The following ABCA2 variants were observed in gnomAD, a reference collection of about 807,000 sequenced individuals.
The protein encoded by ABCA2 is ATP-binding cassette sub-family A member 2.
A neutral mutation model predicts 262.8 loss-of-function variants in ABCA2; 84 were observed. That is an observed-to-expected ratio of 0.32 (90% CI 0.27 to 0.38). The LOEUF is 0.38. Among genes scored for constraint, ABCA2 ranks in the 10% least tolerant of loss-of-function variants. The pLI is 1.00. For synonymous variants in ABCA2, 1,696 were observed against 1,502.9 expected (o/e 1.13, Z -2.97); for missense variants, 2,662 against 3,405.9 (o/e 0.78, Z 5.44).
At position 137,010,210 on chromosome 9, in the gene ABCA2, G is replaced by A. The variant is rs750641607; in HGVS notation, c.6336C>T (p.Ala2112=). 6.2e-7 allele frequency: 1 copy of A among 1,604,546 alleles called. No individual in the cohort carries two copies. Among genetic ancestry groups the A allele is most frequent in the South Asian group, 1.1e-5 (1 of 90,704 alleles). Reference sequence around the variant, plus strand: ...CGCCCCACCTGTGTCCATTGACGAAGGCCTCGCCCCCCGTCGTGCTCTCGT... The same window carrying A: ...CGCCCCACCTGTGTCCATTGACGAAAGCCTCGCCCCCCGTCGTGCTCTCGT... The part of the protein sequence containing the change: ...TGDESTTGGE[A]FVNGHSVLKE... The change falls in exon 41 of 49, where the codon GCC becomes GCT. Residue 2112 remains alanine (A), a synonymous_variant. Transcript: ENST00000341511.
In ABCA2 at chr9:137,014,189, G is replaced by C. The variant is rs745396383; in HGVS notation, c.4219C>G (p.Pro1407Ala). 5 of 1,608,612 alleles carry C rather than the reference G, an allele frequency of 3.1e-6. No homozygotes were observed. Among genetic ancestry groups the C allele is most frequent in the Middle Eastern group, 1.7e-4 (1 of 6,060 alleles). The change falls in exon 27 of 49, where the codon CCA (proline) becomes GCA (alanine). Residue 1407 changes from proline to alanine, a missense_variant. By Grantham distance (27) the Pro-to-Ala change is conservative (BLOSUM62 -1). Transcript: ENST00000341511. ...YRPLFDNPQD[P>A]DNVSLQEVEA... is the part of the protein sequence containing the mutation. Reference sequence around the variant, plus strand: ...CCACCTTGCAGGCTGACATTGTCTGGGTCCTGTGGGTTATCAAAGAGGGGG... The same window carrying C: ...CCACCTTGCAGGCTGACATTGTCTGCGTCCTGTGGGTTATCAAAGAGGGGG...
rs368624837 is a variant in ABCA2, at chr9:137,014,041, G to A, written c.4241-3C>T. 3 of 1,609,760 alleles carry A rather than the reference G, an allele frequency of 1.9e-6. No individual in the cohort carries two copies. The highest frequency in any genetic ancestry group is 2.5e-6 in the Non-Finnish European group (3 of 1,179,596). On this transcript the variant is annotated splice_region_variant and splice_polypyrimidine_tract_variant and intron_variant, in intron 27 of 48. Coordinates refer to ENST00000341511, the MANE Select transcript of ABCA2 (RefSeq NM_001606.5). ...CGACAGGGCCTCTGCCTCCACCTCT[G>A]TGCAGAGAGGTAGAGGCTGAGCAGG... is the stretch of plus-strand genomic sequence containing the variant.
Position 137,021,082 on chromosome 9 carries a change from G to T in ABCA2, c.898-21C>A. The T allele has an allele frequency of 6.8e-7, 1 of 1,465,232 alleles. No homozygotes were observed. 90.8% of individuals were successfully genotyped at this position (1,465,232 alleles called of 1,614,324 possible). On this transcript the variant is annotated intron_variant, in intron 8 of 48. Coordinates refer to ENST00000341511, the MANE Select transcript of ABCA2 (RefSeq NM_001606.5). This position sits in a 1 kb window ranked among gnomAD's most constrained non-coding sequence, Gnocchi z 6.0. The stretch of plus-strand genomic sequence containing the variant: ...CCCAGCTGAGGGGAAACAGGCACGT[G>T]GGCAGTGCGGGGTGAGATGGACTGC...
At chr9:137,028,681 T>C (rs1274476932), upstream of ABCA2, 30 of 1,202,342 alleles carry the variant, frequency 2.5e-5, no homozygotes, top group Non-Finnish European at 3.2e-5. The surrounding 1 kb of genome is among the most constrained non-coding windows in gnomAD (Gnocchi z 6.9). Flanking sequence ...CCTGTGTGCT[T>C]TGTAAACCAG....
chr9:137,008,864 C>T lies in ABCA2; in HGVS notation c.6935G>A (p.Arg2312Gln), dbSNP rs199815377. ...RNFPEAMLKE[R>Q]HHTKVQYQLK... ...CTGGTACTGCACCTTTGTGTGGTGC[C>T]GCTCCTGCAGGGGGGGAGGTCAGAG... The change falls in exon 47 of 49, where the codon CGG becomes CAG. Residue 2312 changes from arginine to glutamine, a missense_variant. This residue lies in a region of ABCA2 where 212 missense variants were observed against 214.4 expected (regional missense o/e 0.99). Coordinates refer to ENST00000341511, the MANE Select transcript of ABCA2 (RefSeq NM_001606.5). 3.2e-5 allele frequency: 52 copies of T among 1,604,296 alleles called. No homozygotes were observed. Among genetic ancestry groups the T allele is most frequent in the East Asian group, 4.5e-5 (2 of 44,856 alleles).
Position 137,014,344 on chromosome 9 carries a change from C to A in ABCA2, c.4064G>T (p.Gly1355Val). Reference protein sequence around the residue: ...PGAEGPASGEGHAGNLARCSE... With the variant: ...PGAEGPASGEVHAGNLARCSE... ...GCACCGGGCCAGATTGCCAGCGTGA[C>A]CCTCCCCAGACGCCGGGCCCTCCGC... The change falls in exon 27 of 49, where the codon GGT becomes GTT. Residue 1355 changes from glycine (G) to valine (V), a missense_variant. Physicochemically the swap from Gly to Val is moderately radical, Grantham distance 109 (BLOSUM62 -3). Around this residue, in one of 12 missense-constraint regions of ABCA2, gnomAD observed 297 missense variants for 286.5 expected, o/e 1.04. Transcript: ENST00000341511. 6.2e-7 allele frequency: 1 copy of A among 1,605,968 alleles called. No homozygotes were observed. The highest frequency in any genetic ancestry group is 1.1e-5 in the South Asian group (1 of 89,820).
chr9:137,022,559 C>T lies in ABCA2; in HGVS notation c.440-81G>A, dbSNP rs1831509150. The T allele has an allele frequency of 3.8e-6, 6 of 1,569,066 alleles. No homozygotes were observed. In the Admixed American group the frequency reaches 5.6e-5, roughly 15 times the overall value. On this transcript the variant is annotated intron_variant, in intron 5 of 48. Transcript: ENST00000341511. Reference sequence around the variant, plus strand: ...CACATGCGCTCGGAGCCGAGCCCAACACCACAGCTCTGCCACTGCAGCCTG... The same window carrying T: ...CACATGCGCTCGGAGCCGAGCCCAATACCACAGCTCTGCCACTGCAGCCTG...
intron 3 of ABCA2, 87 bp downstream of exon 3, chr9:137,023,751 G>A (rs1831558061): frequency 1.4e-6 from 1 of 717,068 alleles, no homozygotes; most frequent in Non-Finnish European, 2.6e-6. Context: ...GTTAATGCAA[G>A]CGGGGAGGGC....
Position 137,022,724 on chromosome 9 carries a change from C to A in ABCA2, c.417G>T (p.Gly139=). 1.2e-6 allele frequency: 2 copies of A among 1,605,776 alleles called. No individual in the cohort carries two copies. Among genetic ancestry groups the A allele is most frequent in the Non-Finnish European group, 1.7e-6 (2 of 1,178,242 alleles). ...EALSAGPGTS[G]SHLDRSTVSS... ...CACCTGTGGATCTGTCCAGGTGGCTCCCCGAGGTGCCCGGGCCCGCACTGA... is the reference window on the plus strand; with the variant it reads ...CACCTGTGGATCTGTCCAGGTGGCTACCCGAGGTGCCCGGGCCCGCACTGA... Residue 139 remains glycine, a synonymous_variant, in exon 5 of 49, where the codon GGG becomes GGT. Coordinates refer to ENST00000341511, the MANE Select transcript of ABCA2 (RefSeq NM_001606.5).
At position 137,011,352 on chromosome 9, in the gene ABCA2, G is replaced by C. The variant is rs553630502; in HGVS notation, c.5800-43C>G. On this transcript the variant is annotated intron_variant, in intron 37 of 48. Transcript: ENST00000341511. The surrounding 1 kb of genome is among the most constrained non-coding windows in gnomAD (Gnocchi z 8.8). The stretch of plus-strand genomic sequence containing the variant: ...TCAGGGGCACAGGGGTGGCCGGGGT[G>C]AGGGGCACAGCCTCCGCAGGGTCCG... The C allele has an allele frequency of 1.9e-5, 30 of 1,603,482 alleles. No individual in the cohort carries two copies. The highest frequency in any genetic ancestry group is 1.1e-4 in the African/African-American group (8 of 74,726).
Position 137,019,381 on chromosome 9 carries a change from C to T in ABCA2, c.1426-75G>A. The stretch of plus-strand genomic sequence containing the variant: ...ACTTGGGGGCTCTCACCCCACTCAC[C>T]TCCCCAGTGGCTGGTCCATTGCCAA... On this transcript the variant is annotated intron_variant, in intron 10 of 48. Coordinates refer to ENST00000341511, the MANE Select transcript of ABCA2 (RefSeq NM_001606.5). The surrounding 1 kb of genome is among the most constrained non-coding windows in gnomAD (Gnocchi z 4.4). 6.4e-7 allele frequency: 1 copy of T among 1,557,230 alleles called. No individual in the cohort carries two copies. Among genetic ancestry groups the T allele is most frequent in the Non-Finnish European group, 8.7e-7 (1 of 1,144,082 alleles).
rs762840768 is a variant in ABCA2 at position 137,018,307 on chromosome 9, C to T, written c.1864G>A (p.Val622Met). Residue 622 changes from valine to methionine, a missense_variant, in exon 14 of 49, where the codon GTG (valine) becomes ATG (methionine). Val to Met is a conservative substitution (Grantham distance 21, BLOSUM62 1). This residue lies in a region of ABCA2 where 187 missense variants were observed against 205.9 expected (regional missense o/e 0.91). Coordinates refer to ENST00000341511, the MANE Select transcript of ABCA2 (RefSeq NM_001606.5). ...TRKDGSLPPH[V>M]HYKIRQNSSF... ...GAGTTCTGGCGGATCTTGTAGTGCA[C>T]GTGAGGCGGGAGCGAGCCGTCCTTC... The T allele has an allele frequency of 2.6e-6, 4 of 1,545,912 alleles. No homozygotes were observed. The highest frequency in any genetic ancestry group is 3.5e-6 in the Non-Finnish European group (4 of 1,143,100).
At chr9:137,012,463 C>G (rs1831091344) in intron 32 of ABCA2, 22 bp downstream of exon 32, 1 of 1,610,500 alleles carries the variant, frequency 6.2e-7, no homozygotes, top group Admixed American at 1.7e-5. Context: ...ACAGCGGGGC[C>G]CAGGCCCGCA....
upstream of ABCA2, chr9:137,028,788 CGAG>C (rs773468744): frequency 1.1e-5 from 14 of 1,294,200 alleles, no homozygotes; most frequent in African/African-American, 1.6e-4. This position sits in a 1 kb window ranked among gnomAD's most constrained non-coding sequence, Gnocchi z 6.9. Context: ...GGGGGAAACT[CGAG>C]GCCCCAGGAA....
At position 137,020,701 on chromosome 9, in the gene ABCA2, T is replaced by C; in HGVS notation, c.1258A>G (p.Asn420Asp). Residue 420 changes from asparagine to aspartate, a missense_variant, in exon 9 of 49, where the codon AAC (asparagine) becomes GAC (aspartate). By Grantham distance (23) the Asn-to-Asp change is conservative. Coordinates refer to ENST00000341511, the MANE Select transcript of ABCA2 (RefSeq NM_001606.5). Reference sequence around the variant, plus strand: ...CCCCTGCCGCCCACCTACCGGTTGTTGCCACACAAGATGGGCTGCAGGCCG... The same window carrying C: ...CCCCTGCCGCCCACCTACCGGTTGTCGCCACACAAGATGGGCTGCAGGCCG... ...WAGLQPILCG[N>D]NRTIEPEALR... 6.2e-7 allele frequency: 1 copy of C among 1,600,274 alleles called. No individual in the cohort carries two copies. Among genetic ancestry groups the C allele is most frequent in the South Asian group, 1.1e-5 (1 of 90,888 alleles).
rs1564221180 is a variant in ABCA2, at chr9:137,016,065, G to A, written c.3214C>T (p.Gln1072Ter). ...EIRKNLGMCP[Q>*]HNVLFDRLTV... ...AGCCGGTCAAAGAGCACATTGTGCT[G>A]CGGGCACATGCCCAGGTTCTTGCGG... The change falls in exon 22 of 49, where the codon CAG becomes TAG. Residue 1072 changes from glutamine to a stop codon, truncating the protein, a stop_gained. Transcript: ENST00000341511. LOFTEE classifies it high-confidence loss of function. 1 of 1,612,826 alleles carries A rather than the reference G, an allele frequency of 6.2e-7. No homozygotes were observed. The highest frequency in any genetic ancestry group is 8.5e-7 in the Non-Finnish European group (1 of 1,179,996).
Position 137,017,522 on chromosome 9 carries a change from C to G in ABCA2, c.2382G>C (p.Ala794=). The G allele has an allele frequency of 6.2e-7, 1 of 1,609,650 alleles. No homozygotes were observed. The change falls in exon 17 of 49, where the codon GCG becomes GCC. Residue 794 remains alanine, a synonymous_variant. Coordinates refer to ENST00000341511, the MANE Select transcript of ABCA2 (RefSeq NM_001606.5). The stretch of plus-strand genomic sequence containing the variant: ...CTCACCAGAACATGATGGTGGCCAC[C>G]GCGTAGACTGCCAGGAAGAGCCAGA... The part of the protein sequence containing the change: ...VIIWLFLAVY[A]VATIMFCFLV...
chr9:137,023,413 C>A (rs1471809871), intron 3 of ABCA2: 1 of 709,484 alleles, frequency 1.4e-6, no homozygotes, highest in Non-Finnish European at 2.6e-6. Context: ...GACAAAGGAC[C>A]CCCTCTGGGC....
chr9:137,008,831 G>T lies in ABCA2; in HGVS notation c.6968C>A (p.Ser2323Ter). Residue 2323 changes from serine to a stop codon, truncating the protein, a stop_gained, in exon 47 of 49, where the codon TCG (serine) becomes TAG (stop). Transcript: ENST00000341511. LOFTEE classifies it high-confidence loss of function. ...HHTKVQYQLK[S>*]EHISLAQVFS... ...CACCTGGGCCAGCGAGATGTGCTCC[G>T]ACTTGAGCTGGTACTGCACCTTTGT... 6.2e-7 allele frequency: 1 copy of T among 1,605,358 alleles called. No individual in the cohort carries two copies.
Sources: allele counts gnomAD v4.1 joint callset, GRCh38; gene constraint gnomAD v4.1.1; regional missense constraint gnomAD v4.1.1; non-coding constraint Gnocchi (gnomAD v3.1); transcripts MANE v1.5; gene names NCBI Gene and HGNC (gene_info 2026-07-23, HGNC 2026-07-21).